The following ZNF808 variants were observed in gnomAD, a reference collection of about 807,000 sequenced individuals.
ZNF808 encodes the protein zinc finger protein 808.
In ZNF808, 5 loss-of-function variants were observed where a neutral mutation model predicts 8.7. The ratio of observed to expected loss-of-function variants is 0.58; its 90% CI spans 0.30 to 1.21. The LOEUF (loss-of-function observed/expected upper bound fraction) is 1.21. ZNF808 is among the 50% of genes most tolerant of loss of function. The probability of loss-of-function intolerance (pLI) is 0.07; values close to 1 mark genes in which losing one functional copy is unlikely to be tolerated. For synonymous variants in ZNF808, 380 were observed against 366.0 expected, an observed-to-expected ratio of 1.04 and a Z score of -0.44; for missense variants, 1,103 against 1,098.4, an observed-to-expected ratio of 1.00 and a Z score of -0.06.
intron 3 of ZNF808, among the ~76,000 whole-genome samples, chr19:52,561,392 G>A (rs1311172857): frequency 6.6e-6 from 1 of 151,850 alleles, no homozygotes; most frequent in East Asian, 1.9e-4. Flanking sequence ...GTCATTTTCT[G>A]TACTTTCTTG....
At chr19:52,542,628 C>T (rs561119211) in intron 2 of ZNF808, among the ~76,000 whole-genome samples, 33 of 151,944 alleles carry the variant, frequency 2.2e-4, no homozygotes, top group African/African-American at 6.0e-4. Flanking sequence ...CCAAGGTGGT[C>T]GGGGCAGAGC....
chr19:52,537,450 A>T (rs556601367), intron 2 of ZNF808, among the ~76,000 whole-genome samples: 1 of 152,168 alleles, frequency 6.6e-6, no homozygotes, highest in South Asian at 2.1e-4. Flanking sequence ...ACTTTAGGAG[A>T]CTGAGGCAGA....
At chr19:52,549,481 C>T (rs533371593) in intron 4 of ZNF808, among the ~76,000 whole-genome samples, 1 of 152,178 alleles carries the variant, frequency 6.6e-6, no homozygotes, top group Non-Finnish European at 1.5e-5. Flanking sequence ...GCTTTCACCT[C>T]AGGCCACCAT....
chr19:52,564,036 T>G, exon 4 of ZNF808: 1 of 563,122 alleles, frequency 1.8e-6, no homozygotes, highest in Non-Finnish European at 3.2e-6. Flanking sequence ...TCTCCTCCTT[T>G]GTCTGCCATC....
chr19:52,529,895 A>G (rs2059544938), intron 1 of ZNF808, among the ~76,000 whole-genome samples: 1 of 115,108 alleles, frequency 8.7e-6, no homozygotes, highest in African/African-American at 4.1e-5. Context: ...TAGTTTACAT[A>G]TATATATATA....
At chr19:52,536,008 C>G (rs1348651791) in intron 2 of ZNF808, 3 of 164,806 alleles carry the variant, frequency 1.8e-5, no homozygotes, top group African/African-American at 4.8e-5. Flanking sequence ...GCGCAAACCC[C>G]GAGGCGGATC....
Position 52,554,383 on chromosome 19 carries a change from C to T in ZNF808, c.1467C>T (p.Arg489=). 1 of 1,613,254 alleles carries T rather than the reference C, an allele frequency of 6.2e-7. No individual in the cohort carries two copies. The highest frequency in any genetic ancestry group is 1.3e-5 in the African/African-American group (1 of 74,704). ...GEKTYKCNEC[R]KTFSRRSSLL... is the part of the protein sequence containing the mutation. ...AAACTTACAAGTGTAATGAGTGTCGCAAGACCTTCAGCCGCAGGTCATCCC... is the reference window on the plus strand; with the variant it reads ...AAACTTACAAGTGTAATGAGTGTCGTAAGACCTTCAGCCGCAGGTCATCCC... The change falls in exon 5 of 5, where the codon CGC becomes CGT. Residue 489 remains arginine, a synonymous_variant. Transcript: ENST00000359798.
chr19:52,536,923 A>C (rs1415701309), intron 2 of ZNF808, among the ~76,000 whole-genome samples: 1 of 152,194 alleles, frequency 6.6e-6, no homozygotes, highest in Non-Finnish European at 1.5e-5. Flanking sequence ...GCTTTGGCTC[A>C]TGCCTGTAAT....
chr19:52,564,985 C>T (rs2059869616), downstream of ZNF808, among the ~76,000 whole-genome samples: 1 of 152,128 alleles, frequency 6.6e-6, no homozygotes, highest in African/African-American at 2.4e-5. Context: ...ACTCGGGAGG[C>T]TGAGCAGGGA....
At chr19:52,528,198 G>A (rs1004310676) in intron 1 of ZNF808, among the ~76,000 whole-genome samples, 9 of 152,264 alleles carry the variant, frequency 5.9e-5, no homozygotes, top group African/African-American at 9.6e-5. Context: ...GCCAGAGCCT[G>A]CGGCTCCCCA....
rs761995878 is a variant in ZNF808, at chr19:52,555,469, A to G, written c.2553A>G (p.Ala851=). The change falls in exon 5 of 5, where the codon GCA becomes GCG. Residue 851 remains alanine, a synonymous_variant. Coordinates refer to ENST00000359798, the MANE Select transcript of ZNF808 (RefSeq NM_001039886.4). The part of the protein sequence containing the change: ...HTGEKPYKCE[A]CDKVFSRKSH... Reference sequence around the variant, plus strand: ...GAGAGAAACCTTACAAATGTGAAGCATGTGACAAAGTTTTCAGTCGCAAAT... The same window carrying G: ...GAGAGAAACCTTACAAATGTGAAGCGTGTGACAAAGTTTTCAGTCGCAAAT... The G allele has an allele frequency of 1.9e-6, 3 of 1,613,918 alleles. No individual in the cohort carries two copies. Among genetic ancestry groups the G allele is most frequent in the Admixed American group, 3.3e-5 (2 of 59,998 alleles).
At chr19:52,552,553 C>T (rs934961585) in intron 4 of ZNF808, among the ~76,000 whole-genome samples, 3 of 151,904 alleles carry the variant, frequency 2.0e-5, no homozygotes, top group Admixed American at 2.0e-4. Context: ...GCTGTGACTA[C>T]AGGCACGGAC....
intron 4 of ZNF808, among the ~76,000 whole-genome samples, chr19:52,550,099 T>C (rs1158548002): frequency 6.6e-6 from 1 of 152,230 alleles, no homozygotes; most frequent in Non-Finnish European, 1.5e-5. Flanking sequence ...GAACATGTCG[T>C]GGGATCCTTC....
downstream of ZNF808, among the ~76,000 whole-genome samples, chr19:52,557,860 C>T (rs2059843298): frequency 6.6e-6 from 1 of 152,032 alleles, no homozygotes; most frequent in Admixed American, 6.6e-5. Context: ...AGACTTCACA[C>T]ACACCTTCTC....
chr19:52,531,399 T>C (rs146957339), intron 1 of ZNF808, among the ~76,000 whole-genome samples: 7,182 of 152,100 alleles, frequency 0.047, 221 homozygotes, highest in South Asian at 0.078. Context: ...TGCTTGAACC[T>C]GGGAGGCAAA....
intron 2 of ZNF808, among the ~76,000 whole-genome samples, chr19:52,534,972 T>G (rs2059591746): frequency 2.6e-5 from 4 of 151,862 alleles, no homozygotes; most frequent in Admixed American, 2.6e-4. Context: ...AACTGGATAT[T>G]TACATGGAAA....
intron 4 of ZNF808, among the ~76,000 whole-genome samples, chr19:52,550,556 C>A (rs374766674): frequency 6.0e-5 from 9 of 151,162 alleles, no homozygotes; most frequent in African/African-American, 2.2e-4. Flanking sequence ...ATGGAGTTTC[C>A]CTCTTGTTGC....
downstream of ZNF808, among the ~76,000 whole-genome samples, chr19:52,558,278 G>A (rs549921345): frequency 3.4e-4 from 52 of 151,500 alleles, no homozygotes; most frequent in East Asian, 8.8e-3. Flanking sequence ...GTTTCACCCT[G>A]GTCTCGATCT....
chr19:52,566,343 T>C (rs1488108618), downstream of ZNF808, among the ~76,000 whole-genome samples: 1 of 151,976 alleles, frequency 6.6e-6, no homozygotes, highest in Non-Finnish European at 1.5e-5. Flanking sequence ...TTCTTTTGTA[T>C]TTAGTAGAGA....
Sources: gnomAD v4.1 joint callset for allele counts (sites outside exome capture counted in the v4.1 genomes callset) on GRCh38, gnomAD v4.1.1 for gene constraint, MANE v1.5 for transcripts, NCBI Gene and HGNC (gene_info 2026-07-23, HGNC 2026-07-21) for gene names.